The following CCND3 variants were observed in gnomAD, a reference collection of about 807,000 sequenced individuals.
CCND3 encodes G1/S-specific cyclin-D3.
CCND3 carries 9 observed loss-of-function variants against 28.7 expected under a neutral mutation model. The observed-to-expected ratio is 0.31, with a 90% CI of 0.19 to 0.55. The LOEUF is 0.55. CCND3 is among the 20% of genes least tolerant of loss of function. CCND3 has a pLI of 0.93. For synonymous variants in CCND3, 164 were observed against 163.9 expected (o/e 1.00, Z 0.00); for missense variants, 315 against 385.8 (o/e 0.82, Z 1.54).
chr6:42,032,285 C>T (rs1469093789), intron 1 of CCND3, among the ~76,000 whole-genome samples: 1 of 152,140 alleles, frequency 6.6e-6, no homozygotes, highest in Non-Finnish European at 1.5e-5. Flanking sequence ...TGGGGCCTTG[C>T]TATGTTGTCC....
rs777561800 is a variant in CCND3, at chr6:41,936,589, C to T, written c.681G>A (p.Glu227=). ...ACSMSGDELT[E]LLAGITGTEV... is the part of the protein sequence containing the mutation. ...CAGTGCCAGTGATCCCTGCCAGCAGCTCTGTGAGCTCATCCCCGGACATGG... is the reference window on the plus strand; with the variant it reads ...CAGTGCCAGTGATCCCTGCCAGCAGTTCTGTGAGCTCATCCCCGGACATGG... The change falls in exon 4 of 5, where the codon GAG becomes GAA. Residue 227 remains glutamate, a synonymous_variant. Transcript: ENST00000372991. This position sits in a 1 kb window ranked among gnomAD's most constrained non-coding sequence, Gnocchi z 4.4. 1 of 1,614,206 alleles carries T rather than the reference C, an allele frequency of 6.2e-7. No homozygotes were observed. The highest frequency in any genetic ancestry group is 2.2e-5 in the East Asian group (1 of 44,878).
At chr6:42,005,274 G>T (rs1442953303) in intron 1 of CCND3, among the ~76,000 whole-genome samples, 1 of 152,084 alleles carries the variant, frequency 6.6e-6, no homozygotes, top group East Asian at 1.9e-4. Context: ...AGGTGTGGTG[G>T]CTCAGGCCTG....
chr6:41,948,354 T>TTTA (rs1776221115), intron 1 of CCND3, among the ~76,000 whole-genome samples: 1 of 141,416 alleles, frequency 7.1e-6, no homozygotes, highest in African/African-American at 2.6e-5. Context: ...TTTTTTTTTT[T>TTTA]GAGACAGGGT....
In CCND3 at chr6:41,940,494, G is replaced by A; in HGVS notation, c.290C>T (p.Ala97Val). ...RYLSCVPTRK[A>V]QLQLLGAVCM... Reference sequence around the variant, plus strand: ...GACCGCACCCAGGAGCTGCAACTGCGCCTTTCGGGTGGGGACGCAAGACAG... The same window carrying A: ...GACCGCACCCAGGAGCTGCAACTGCACCTTTCGGGTGGGGACGCAAGACAG... Residue 97 changes from alanine to valine, a missense_variant, in exon 2 of 5, where the codon GCG becomes GTG. Transcript: ENST00000372991. 3.1e-6 allele frequency: 5 copies of A among 1,614,088 alleles called. No homozygotes were observed. Among genetic ancestry groups the A allele is most frequent in the Non-Finnish European group, 4.2e-6 (5 of 1,179,988 alleles).
intron 1 of CCND3, among the ~76,000 whole-genome samples, chr6:42,036,016 A>C (rs983039734): frequency 2.0e-5 from 3 of 149,784 alleles, no homozygotes; most frequent in Non-Finnish European, 4.4e-5. Context: ...TTTGAGACAG[A>C]GTCTTGCTCT....
At chr6:42,006,304 TA>T (rs57086691) in intron 1 of CCND3, among the ~76,000 whole-genome samples, 7 of 149,142 alleles carry the variant, frequency 4.7e-5, no homozygotes, top group Admixed American at 1.3e-4. Flanking sequence ...TTTAGAGGTT[TA>T]AAAAAAAAAG....
intron 1 of CCND3, among the ~76,000 whole-genome samples, chr6:41,965,816 G>A (rs9357372): frequency 0.19 from 28,461 of 152,092 alleles, 3,192 homozygotes; most frequent in Non-Finnish European, 0.25. Context: ...GGTTAAGGTC[G>A]AACTTTCACT....
intron 1 of CCND3, among the ~76,000 whole-genome samples, chr6:42,045,802 C>T (rs1367256216): frequency 6.6e-6 from 1 of 152,216 alleles, no homozygotes; most frequent in Admixed American, 6.5e-5. Context: ...GGCAGGGGCC[C>T]CAGAACTTTC....
chr6:42,007,587 G>A (rs1239146158), intron 1 of CCND3, among the ~76,000 whole-genome samples: 1 of 152,192 alleles, frequency 6.6e-6, no homozygotes, highest in Non-Finnish European at 1.5e-5. Context: ...GCCTGGCTAA[G>A]CAACCATAGT....
intron 1 of CCND3, among the ~76,000 whole-genome samples, chr6:41,998,603 C>T (rs909559178): frequency 4.0e-5 from 6 of 151,830 alleles, no homozygotes; most frequent in African/African-American, 1.5e-4. Flanking sequence ...GCTGGGATTA[C>T]AGGCGTGAGC....
In CCND3 at chr6:41,941,106, G is replaced by T; in HGVS notation, c.198+346C>A. 6.6e-7 allele frequency: 1 copy of T among 1,525,662 alleles called. No homozygotes were observed. Among genetic ancestry groups the T allele is most frequent in the East Asian group, 2.3e-5 (1 of 43,830 alleles). The allele number at this position is 1,525,662 out of a possible 1,614,324, so 94.5% of individuals were successfully genotyped here. A position where few individuals can be genotyped will look rare whatever the true frequency, so the allele number is the denominator to read the frequency against. ...CCCGGGCGGGGGCGGCCGAGCCCAG[G>T]GTTTTCCAGGCGCGCTCTCCGGAGA... is the stretch of plus-strand genomic sequence containing the variant. On this transcript the variant is annotated intron_variant, in intron 1 of 4. Transcript: ENST00000372991. This position sits in a 1 kb window ranked among gnomAD's most constrained non-coding sequence, Gnocchi z 6.1.
At chr6:41,946,093 G>A (rs1776160581), upstream of CCND3, among the ~76,000 whole-genome samples, 1 of 152,046 alleles carries the variant, frequency 6.6e-6, no homozygotes, top group Admixed American at 6.6e-5. Flanking sequence ...ACACCCCTCT[G>A]CCACTCCACT....
At chr6:42,027,159 G>T (rs114118212) in intron 1 of CCND3, among the ~76,000 whole-genome samples, 4,705 of 152,228 alleles carry the variant, frequency 0.031, 141 homozygotes, top group African/African-American at 0.071. Flanking sequence ...ACACCACTAG[G>T]CCGGGCGCGG....
At chr6:42,012,183 T>C (rs533485715) in intron 1 of CCND3, among the ~76,000 whole-genome samples, 2 of 152,324 alleles carry the variant, frequency 1.3e-5, no homozygotes, top group African/African-American at 4.8e-5. Flanking sequence ...TTTGTTTTCA[T>C]TTCTGTAAAG....
chr6:41,958,293 G>A (rs1776490435), intron 1 of CCND3, among the ~76,000 whole-genome samples: 1 of 152,058 alleles, frequency 6.6e-6, no homozygotes, highest in African/African-American at 2.4e-5. Context: ...CACCATGCCT[G>A]GCCTACTTTT....
chr6:42,023,438 C>T (rs1763772727), intron 1 of CCND3, among the ~76,000 whole-genome samples: 1 of 152,116 alleles, frequency 6.6e-6, no homozygotes. Flanking sequence ...AATAAGGTGT[C>T]TTCAAACAGA....
At position 41,935,886 on chromosome 6, in the gene CCND3, G is replaced by T. The variant is rs758167818; in HGVS notation, c.*54C>A. The T allele has an allele frequency of 6.6e-7, 1 of 1,510,332 alleles. No individual in the cohort carries two copies. The allele number at this position is 1,510,332 out of a possible 1,614,324, so 93.6% of individuals were successfully genotyped here. ...TGTGGTTCCTGGAGGCAGGGAGGTGGGTGGCAGCGGCCCCTCCTCTGCTTA... is the reference window on the plus strand; with the variant it reads ...TGTGGTTCCTGGAGGCAGGGAGGTGTGTGGCAGCGGCCCCTCCTCTGCTTA... On this transcript the variant is annotated 3_prime_UTR_variant, in exon 5 of 5. Coordinates refer to ENST00000372991, the MANE Select transcript of CCND3 (RefSeq NM_001760.5).
intron 1 of CCND3, among the ~76,000 whole-genome samples, chr6:41,949,528 G>A (rs1387302657): frequency 6.6e-6 from 1 of 152,100 alleles, no homozygotes; most frequent in Non-Finnish European, 1.5e-5. Flanking sequence ...TTTCCGCCAG[G>A]CGCAGTGGCT....
At chr6:42,021,663 T>C (rs1763716883) in intron 1 of CCND3, among the ~76,000 whole-genome samples, 1 of 152,090 alleles carries the variant, frequency 6.6e-6, no homozygotes, top group South Asian at 2.1e-4. Flanking sequence ...TGGTCAAGTT[T>C]GGATGGAGAG....
Sources: gnomAD v4.1 joint callset for allele counts (sites outside exome capture counted in the v4.1 genomes callset) on GRCh38, gnomAD v4.1.1 for gene constraint, Gnocchi (gnomAD v3.1) non-coding constraint, MANE v1.5 for transcripts, NCBI Gene and HGNC (gene_info 2026-07-23, HGNC 2026-07-21) for gene names.